The following NF1 variants were observed in gnomAD, a reference collection of about 807,000 sequenced individuals.
NF1 encodes neurofibromin 1.
NF1 carries 122 observed loss-of-function variants against 325.7 expected under a neutral mutation model. The observed-to-expected ratio is 0.37, with a 90% CI of 0.32 to 0.44. The LOEUF is 0.44. Ranked by LOEUF, NF1 falls within the 20% of genes least tolerant of loss-of-function variation. NF1 has a pLI of 1.00. For missense variants in NF1, 2,140 were observed against 3,415.4 expected, an observed-to-expected ratio of 0.63 and a Z score of 9.31; for synonymous variants, 1,091 against 1,186.0, an observed-to-expected ratio of 0.92 and a Z score of 1.65.
At position 31,265,354 on chromosome 17, in the gene NF1, G is replaced by A. The variant is rs1466737393; in HGVS notation, c.4835+15G>A. On this transcript the variant is annotated intron_variant, in intron 36 of 57. Coordinates refer to ENST00000358273, the MANE Select transcript of NF1 (RefSeq NM_001042492.3). Reference sequence around the variant, plus strand: ...GTTGCACGGAGGTAAGAAATACTATGTTTTGGGTCTCTTAACAGAATTTTT... The same window carrying A: ...GTTGCACGGAGGTAAGAAATACTATATTTTGGGTCTCTTAACAGAATTTTT... The A allele has an allele frequency of 6.4e-7, 1 of 1,573,378 alleles. No individual in the cohort carries two copies. The highest frequency in any genetic ancestry group is 8.7e-7 in the Non-Finnish European group (1 of 1,143,776).
At chr17:31,170,757 G>A (rs2065916337) in intron 5 of NF1, among the ~76,000 whole-genome samples, 1 of 152,134 alleles carries the variant, frequency 6.6e-6, no homozygotes, top group Non-Finnish European at 1.5e-5. Flanking sequence ...GATAAATTCT[G>A]TGGTAAGCAG....
chr17:31,274,297 T>C (rs893442331), intron 36 of NF1, among the ~76,000 whole-genome samples: 4 of 152,178 alleles, frequency 2.6e-5, no homozygotes, highest in Non-Finnish European at 5.9e-5. Flanking sequence ...TTTTCCATGA[T>C]AACTAGCATA....
chr17:31,345,283 C>T (rs2069941933), intron 48 of NF1, among the ~76,000 whole-genome samples: 2 of 152,178 alleles, frequency 1.3e-5, no homozygotes, highest in African/African-American at 4.8e-5. Flanking sequence ...CCTATGTCAT[C>T]AGCTTTTCTT....
intron 57 of NF1, among the ~76,000 whole-genome samples, chr17:31,365,210 G>A (rs1388722673): frequency 6.8e-6 from 1 of 147,012 alleles, no homozygotes. Flanking sequence ...ACCTGAGCCG[G>A]AGAGGTCAAG....
chr17:31,222,822 T>G (rs1036685508), intron 15 of NF1: 1 of 158,260 alleles, frequency 6.3e-6, no homozygotes, highest in African/African-American at 2.4e-5. Context: ...CTTAAAGTGC[T>G]CAATAGCCAC....
intron 11 of NF1, 50 bp from the exon 12 acceptor site, chr17:31,206,190 C>T (rs2066617272): frequency 1.9e-6 from 3 of 1,606,368 alleles, no homozygotes; most frequent in East Asian, 4.5e-5. Flanking sequence ...GAGCATACAA[C>T]TCACGTAATT....
rs199474725 is a variant in NF1, at chr17:31,156,014, A to G, written c.92A>G (p.His31Arg). Residue 31 changes from histidine (H) to arginine (R), a missense_variant, in exon 2 of 58, where the codon CAT (histidine) becomes CGT (arginine). Physicochemically the swap from His to Arg is conservative, Grantham distance 29. Coordinates refer to ENST00000358273, the MANE Select transcript of NF1 (RefSeq NM_001042492.3). ...LPIKTGQQNT[H>R]TKVSTEHNKE... ...ATAAAAACAGGACAGCAGAACACAC[A>G]TACCAAAGTCAGTACTGAGCACAAC... The G allele has an allele frequency of 1.9e-6, 3 of 1,613,504 alleles. No individual in the cohort carries two copies. Among genetic ancestry groups the G allele is most frequent in the Non-Finnish European group, 2.5e-6 (3 of 1,179,810 alleles).
At chr17:31,179,599 A>G (rs955486850) in intron 5 of NF1, among the ~76,000 whole-genome samples, 1 of 152,086 alleles carries the variant, frequency 6.6e-6, no homozygotes, top group Non-Finnish European at 1.5e-5. Context: ...CCTTGGCCTC[A>G]GTGAAACCCC....
rs2070102904 is a variant in NF1 at position 31,350,182 on chromosome 17, G to C, written c.7322-1G>C. ...TTAACCTGCCACCGTTTTCCTTTTA[G>C]CTTTACTTACAGTGTCTGAAGAAGT... On this transcript the variant is annotated splice_acceptor_variant, in intron 49 of 57. Transcript: ENST00000358273. LOFTEE classifies it high-confidence loss of function. 1 of 1,613,856 alleles carries C rather than the reference G, an allele frequency of 6.2e-7. No individual in the cohort carries two copies. Among genetic ancestry groups the C allele is most frequent in the Non-Finnish European group, 8.5e-7 (1 of 1,179,858 alleles).
chr17:31,367,082 T>G (rs780286021), intron 57 of NF1: 7 of 251,556 alleles, frequency 2.8e-5, no homozygotes, highest in Non-Finnish European at 4.6e-5. Flanking sequence ...AGGAAATTAA[T>G]GGTCAGAATT....
Position 31,229,992 on chromosome 17 carries a change from A to G in NF1, c.2990+18A>G, listed in dbSNP as rs2151430906. 6.2e-7 allele frequency: 1 copy of G among 1,611,634 alleles called. No homozygotes were observed. Among genetic ancestry groups the G allele is most frequent in the Non-Finnish European group, 8.5e-7 (1 of 1,179,566 alleles). On this transcript the variant is annotated intron_variant, in intron 22 of 57. Transcript: ENST00000358273. ...CTGGTCAGGTAAGCATTCTACTGAA[A>G]TGTAGCAGAAACATTTTAAGAGATA...
At chr17:31,107,613 A>G (rs1912981662) in intron 1 of NF1, among the ~76,000 whole-genome samples, 1 of 152,054 alleles carries the variant, frequency 6.6e-6, no homozygotes, top group Non-Finnish European at 1.5e-5. Flanking sequence ...TAAATACATA[A>G]AAATAAAATA....
chr17:31,221,500 A>G (rs908024709), intron 14 of NF1, among the ~76,000 whole-genome samples: 2 of 152,036 alleles, frequency 1.3e-5, no homozygotes, highest in Non-Finnish European at 2.9e-5. Flanking sequence ...TTACTTGGGG[A>G]TTAGCTTTTT....
At chr17:31,111,613 T>G (rs1207554342) in intron 1 of NF1, among the ~76,000 whole-genome samples, 1 of 152,150 alleles carries the variant, frequency 6.6e-6, no homozygotes, top group African/African-American at 2.4e-5. Flanking sequence ...TTTTTAAATG[T>G]TGGCAAAAAA....
intron 36 of NF1, among the ~76,000 whole-genome samples, chr17:31,284,901 A>G (rs776163662): frequency 1.3e-5 from 2 of 152,072 alleles, no homozygotes; most frequent in African/African-American, 2.4e-5. Context: ...TGGGCAGATC[A>G]CTTGAGGTCA....
chr17:31,181,801 A>ATTTTTTTTTTTTTTTTTTTT lies in NF1; in HGVS notation c.730+32_730+33insTTTTTTTTTTTTTTTTTTTT, dbSNP rs71142032. 20 of 1,218,958 alleles carry ATTTTTTTTTTTTTTTTTTTT rather than the reference A, an allele frequency of 1.6e-5. No homozygotes were observed. Among genetic ancestry groups the ATTTTTTTTTTTTTTTTTTTT allele is most frequent in the East Asian group, 2.4e-5 (1 of 41,202 alleles). 75.5% of individuals were successfully genotyped at this position (1,218,958 alleles called of 1,614,324 possible). ...GATATGGCTGGTAAGGATACGATTGATTTTTTTTTTTTTTTTGTCTTTTAA... is the reference window on the plus strand; with the variant it reads ...GATATGGCTGGTAAGGATACGATTGATTTTTTTTTTTTTTTTTTTTTTTTTTTTTTTTTTTTGTCTTTTAA... On this transcript the variant is annotated intron_variant, in intron 7 of 57. Transcript: ENST00000358273.
At position 31,324,626 on chromosome 17, in the gene NF1, A is replaced by G. The variant is rs146733048; in HGVS notation, c.4836-1194A>G. ...GCCCAGGCTGAAGTGCAGTGGTACA[A>G]TCTCAGCTCGCTGCAGCCTCTGCCT... is the stretch of plus-strand genomic sequence containing the variant. On this transcript the variant is annotated intron_variant, in intron 36 of 57. Coordinates refer to ENST00000358273, the MANE Select transcript of NF1 (RefSeq NM_001042492.3). Among the ~76,000 whole-genome samples the G allele has an allele frequency of 1.2e-4, 19 of 152,158 alleles. No individual in the cohort carries two copies. The East Asian group carries it at 3.7e-3, about 29-fold the overall frequency.
intron 1 of NF1, among the ~76,000 whole-genome samples, chr17:31,107,042 T>G (rs981516082): frequency 2.6e-5 from 4 of 152,180 alleles, no homozygotes; most frequent in African/African-American, 9.7e-5. Context: ...TTTTTTTAAT[T>G]GTTACATCTA....
At chr17:31,327,871 T>C (rs751994152) in intron 38 of NF1, 32 bp downstream of exon 38, 14 of 1,583,768 alleles carry the variant, frequency 8.8e-6, no homozygotes, top group Non-Finnish European at 1.2e-5. Flanking sequence ...TCAGTTTGAT[T>C]TGGGGTTTGT....
Sources: allele counts gnomAD v4.1 joint callset (sites outside exome capture counted in the v4.1 genomes callset), GRCh38; gene constraint gnomAD v4.1.1; transcripts MANE v1.5; gene names NCBI Gene and HGNC (gene_info 2026-07-23, HGNC 2026-07-21).